The following AGBL4 variants were observed in gnomAD, a reference collection of about 807,000 sequenced individuals.
AGBL4 encodes the protein AGBL carboxypeptidase 4.
AGBL4 carries 58 observed loss-of-function variants against 66.4 expected under a neutral mutation model. That is an observed-to-expected ratio of 0.87 (90% CI 0.71 to 1.09). The LOEUF (loss-of-function observed/expected upper bound fraction) is 1.09, where lower values mean the gene tolerates loss of function less well. AGBL4 is among the 50% of genes least tolerant of loss of function. The pLI is 0.00. For synonymous variants in AGBL4, 234 were observed against 222.9 expected (o/e 1.05, Z -0.44); for missense variants, 579 against 631.0 (o/e 0.92, Z 0.88).
intron 11 of AGBL4, among the ~76,000 whole-genome samples, chr1:48,576,164 T>A (rs1442522603): frequency 6.6e-6 from 1 of 152,212 alleles, no homozygotes; most frequent in African/African-American, 2.4e-5. Context: ...TGGATCATTA[T>A]GACCTGAGCT....
intron 2 of AGBL4, among the ~76,000 whole-genome samples, chr1:49,796,638 A>G (rs1298772309): frequency 6.6e-6 from 1 of 151,578 alleles, no homozygotes; most frequent in Non-Finnish European, 1.5e-5. Flanking sequence ...AGTAATCTCA[A>G]CCATTCAGAA....
chr1:48,736,196 A>G lies in AGBL4; in HGVS notation c.635-72955T>C, dbSNP rs905345111. 3 of 1,570,204 alleles carry G rather than the reference A, an allele frequency of 1.9e-6. No individual in the cohort carries two copies. On this transcript the variant is annotated intron_variant, in intron 6 of 13. Transcript: ENST00000371839. The surrounding 1 kb of genome is among the most constrained non-coding windows in gnomAD (Gnocchi z 4.0). ...TGCCTAACACATTCTTGACAGAGTAAAAGACAGAATCCCAGCCATTGTGTT... is the reference window on the plus strand; with the variant it reads ...TGCCTAACACATTCTTGACAGAGTAGAAGACAGAATCCCAGCCATTGTGTT...
intron 10 of AGBL4, among the ~76,000 whole-genome samples, chr1:48,588,373 G>A (rs1228918013): frequency 2.6e-5 from 4 of 152,178 alleles, no homozygotes; most frequent in African/African-American, 7.2e-5. Context: ...TACCCACTGA[G>A]TACATGATGT....
intron 3 of AGBL4, among the ~76,000 whole-genome samples, chr1:49,530,661 C>G (rs959136380): frequency 6.6e-6 from 1 of 151,984 alleles, no homozygotes. Context: ...GTGGATATTA[C>G]AGATACCTGG....
In AGBL4 at chr1:48,533,721, CT is replaced by C. The variant is rs961289084; in HGVS notation, c.*451del. The C allele has an allele frequency of 1.0e-5, 2 of 190,792 alleles. No homozygotes were observed. Among genetic ancestry groups the C allele is most frequent in the Non-Finnish European group, 2.2e-5 (2 of 92,904 alleles). 11.8% of individuals were successfully genotyped at this position (190,792 alleles called of 1,614,324 possible). On this transcript the variant is annotated 3_prime_UTR_variant, in exon 14 of 14. Transcript: ENST00000371839. ...TGCCCTTTGGTTGCATGTGTTGTTG[CT>C]GTTGTTTTGGATCAGAAAATACAAA... is the stretch of plus-strand genomic sequence containing the variant.
intron 4 of AGBL4, among the ~76,000 whole-genome samples, chr1:49,243,680 G>T (rs1221604490): frequency 6.6e-6 from 1 of 151,632 alleles, no homozygotes; most frequent in African/African-American, 2.4e-5. Flanking sequence ...ACATGAAGGT[G>T]CTCAATAAAG....
chr1:48,576,780 A>G (rs1295134323), intron 11 of AGBL4, among the ~76,000 whole-genome samples: 1 of 152,140 alleles, frequency 6.6e-6, no homozygotes, highest in Non-Finnish European at 1.5e-5. Flanking sequence ...TTACTCCCCA[A>G]ATCTATTTCT....
At chr1:48,947,137 T>G (rs1656583176) in intron 5 of AGBL4, among the ~76,000 whole-genome samples, 2 of 152,360 alleles carry the variant, frequency 1.3e-5, no homozygotes, top group African/African-American at 2.4e-5. Context: ...ACCCTTATTC[T>G]TTGAGTCCAG....
intron 2 of AGBL4, among the ~76,000 whole-genome samples, chr1:49,711,387 T>C (rs1369041915): frequency 2.6e-5 from 4 of 152,030 alleles, no homozygotes; most frequent in Non-Finnish European, 5.9e-5. Context: ...ATTTGTACAA[T>C]GAAATAGTGC....
chr1:48,744,828 C>G (rs1326608074), intron 6 of AGBL4, among the ~76,000 whole-genome samples: 1 of 152,168 alleles, frequency 6.6e-6, no homozygotes, highest in Admixed American at 6.5e-5. Context: ...TGCCCCCCAC[C>G]AATATTCACC....
At chr1:48,972,878 G>T (rs1380469064) in intron 5 of AGBL4, among the ~76,000 whole-genome samples, 1 of 152,146 alleles carries the variant, frequency 6.6e-6, no homozygotes, top group Non-Finnish European at 1.5e-5. Context: ...CGCAGTAAGG[G>T]CTGCAACAGG....
chr1:49,423,157 T>C (rs1259876581), intron 3 of AGBL4: 3 of 152,202 alleles, frequency 2.0e-5, no homozygotes, highest in Non-Finnish European at 2.9e-5. Flanking sequence ...GAGAAGTAAA[T>C]TTTTATGTTA....
chr1:49,635,210 T>A (rs1645647894), intron 3 of AGBL4, among the ~76,000 whole-genome samples: 2 of 152,212 alleles, frequency 1.3e-5, no homozygotes, highest in African/African-American at 2.4e-5. Context: ...GTCTCTCTTT[T>A]AATTCATACT....
intron 5 of AGBL4, among the ~76,000 whole-genome samples, chr1:49,040,792 A>C (rs1643918435): frequency 6.6e-6 from 1 of 152,100 alleles, no homozygotes; most frequent in African/African-American, 2.4e-5. Flanking sequence ...GTGAGAATTA[A>C]CAAGGGAACT....
intron 10 of AGBL4, among the ~76,000 whole-genome samples, chr1:48,588,041 T>C (rs1644852535): frequency 6.6e-6 from 1 of 152,218 alleles, no homozygotes; most frequent in Middle Eastern, 3.2e-3. Context: ...GGCTTCAAAA[T>C]AACCACTTGA....
chr1:49,900,437 G>T (rs1399489313), intron 1 of AGBL4, among the ~76,000 whole-genome samples: 1 of 151,844 alleles, frequency 6.6e-6, no homozygotes, highest in Non-Finnish European at 1.5e-5. Flanking sequence ...TAGAGACAGG[G>T]TTTCTCCACG....
At chr1:49,853,374 G>A (rs184365098) in intron 1 of AGBL4, among the ~76,000 whole-genome samples, 30 of 152,170 alleles carry the variant, frequency 2.0e-4, no homozygotes, top group African/African-American at 7.2e-4. Flanking sequence ...GCATTCATCA[G>A]TACACTTGGG....
intron 6 of AGBL4, among the ~76,000 whole-genome samples, chr1:48,731,302 T>C (rs575482546): frequency 6.6e-6 from 1 of 152,134 alleles, no homozygotes; most frequent in East Asian, 1.9e-4. Flanking sequence ...TATATTTCAG[T>C]AATACAAGAA....
At chr1:49,561,288 TTTA>T (rs1311590101) in intron 3 of AGBL4, among the ~76,000 whole-genome samples, 3 of 151,724 alleles carry the variant, frequency 2.0e-5, no homozygotes, top group Non-Finnish European at 4.4e-5. Context: ...ATTTTTATTT[TTTA>T]TTATTATTAT....
Sources: allele counts gnomAD v4.1 joint callset (sites outside exome capture counted in the v4.1 genomes callset), GRCh38; gene constraint gnomAD v4.1.1; non-coding constraint Gnocchi (gnomAD v3.1); transcripts MANE v1.5; gene names NCBI Gene and HGNC (gene_info 2026-07-23, HGNC 2026-07-21).